METTL16: variants seen among roughly 807,000 people sequenced by gnomAD.
METTL16 encodes the protein RNA N(6)-adenosine-methyltransferase METTL16.
In METTL16, 19 loss-of-function variants were observed where a neutral mutation model predicts 57.9. That is an observed-to-expected ratio of 0.33 (90% CI 0.23 to 0.48). METTL16 has a LOEUF of 0.48. Ranked by LOEUF, METTL16 falls within the 20% of genes least tolerant of loss-of-function variation. The pLI, the probability that METTL16 is intolerant of heterozygous loss-of-function variation, is 0.99. For missense variants in METTL16, 434 were observed against 691.5 expected, an observed-to-expected ratio of 0.63 and a Z score of 4.18; for synonymous variants, 246 against 255.6, an observed-to-expected ratio of 0.96 and a Z score of 0.36.
rs755797781 is a variant in METTL16, at chr17:2,418,598, A to T, written c.*1372T>A. 6.6e-5 allele frequency: 10 copies of T among 152,394 alleles called. No homozygotes were observed. Among genetic ancestry groups the T allele is most frequent in the East Asian group, 5.8e-4 (3 of 5,188 alleles). The allele number at this position is 152,394 out of a possible 1,614,324, so 9.4% of individuals were successfully genotyped here. ...AGAGTAAAACTCCACCTCATAACAAACAATCAATCAAAAAGCCACTGGTCA... is the reference window on the plus strand; with the variant it reads ...AGAGTAAAACTCCACCTCATAACAATCAATCAATCAAAAAGCCACTGGTCA... On this transcript the variant is annotated 3_prime_UTR_variant, in exon 10 of 10. Coordinates refer to ENST00000263092, the MANE Select transcript of METTL16 (RefSeq NM_024086.4).
At chr17:2,484,696 G>A (rs1055366721) in intron 2 of METTL16, among the ~76,000 whole-genome samples, 1 of 152,128 alleles carries the variant, frequency 6.6e-6, no homozygotes, top group African/African-American at 2.4e-5. Context: ...GTTTCGCCAT[G>A]TTGGCCAGGC....
intron 8 of METTL16, among the ~76,000 whole-genome samples, chr17:2,422,683 C>G (rs1373862865): frequency 6.6e-6 from 1 of 151,176 alleles, no homozygotes; most frequent in Non-Finnish European, 1.5e-5. Flanking sequence ...GAATTTCTTT[C>G]TTTAAAGTAG....
chr17:2,428,197 C>T (rs995717551), intron 8 of METTL16, among the ~76,000 whole-genome samples: 1 of 151,906 alleles, frequency 6.6e-6, no homozygotes, highest in African/African-American at 2.4e-5. Context: ...CAGATGAATA[C>T]CTTTAAATAC....
intron 2 of METTL16, among the ~76,000 whole-genome samples, chr17:2,497,026 G>A (rs1404587395): frequency 6.6e-6 from 1 of 151,482 alleles, no homozygotes; most frequent in Non-Finnish European, 1.5e-5. Context: ...ATTTTCTTGA[G>A]GCAGACTCTT....
At chr17:2,471,945 C>G (rs755931758) in intron 4 of METTL16, among the ~76,000 whole-genome samples, 1 of 151,890 alleles carries the variant, frequency 6.6e-6, no homozygotes, top group Non-Finnish European at 1.5e-5. Context: ...GAAACCCCAT[C>G]TCTACTAAAA....
At chr17:2,428,695 G>A (rs1597438509) in intron 8 of METTL16, among the ~76,000 whole-genome samples, 1 of 145,778 alleles carries the variant, frequency 6.9e-6, no homozygotes, top group African/African-American at 2.5e-5. Flanking sequence ...CCAGGAGTTC[G>A]AGACCAGCAT....
intron 1 of METTL16, among the ~76,000 whole-genome samples, chr17:2,506,841 G>A (rs530768801): frequency 2.6e-5 from 4 of 151,278 alleles, no homozygotes; most frequent in African/African-American, 9.7e-5. Flanking sequence ...AGGAAGTGAG[G>A]AGCGTCTCTG....
chr17:2,440,994 A>AAAAAAAAAG (rs1555616313), intron 7 of METTL16, among the ~76,000 whole-genome samples: 56 of 118,820 alleles, frequency 4.7e-4, no homozygotes, highest in African/African-American at 8.8e-4. Flanking sequence ...AAAAAAAAAA[A>AAAAAAAAAG]AAGAAGAAGA....
intron 6 of METTL16, among the ~76,000 whole-genome samples, chr17:2,452,776 T>C (rs550143781): frequency 3.5e-4 from 53 of 152,220 alleles, no homozygotes; most frequent in Non-Finnish European, 6.8e-4. Context: ...GAGAATCAGT[T>C]ACAGACATCA....
chr17:2,428,564 AATATATATATAT>A (rs71362532), intron 8 of METTL16, among the ~76,000 whole-genome samples: 62 of 31,344 alleles, frequency 2.0e-3, no homozygotes, highest in East Asian at 9.7e-3. Flanking sequence ...AAAAAAAAAA[AATATATATATAT>A]ATATATATAT....
chr17:2,497,602 C>T (rs1344460464), intron 2 of METTL16, among the ~76,000 whole-genome samples: 2 of 151,474 alleles, frequency 1.3e-5, no homozygotes, highest in African/African-American at 2.4e-5. Flanking sequence ...CCACTATGCC[C>T]GGCCTGGCAT....
At chr17:2,489,228 TA>T (rs1367883328) in intron 2 of METTL16, among the ~76,000 whole-genome samples, 1 of 152,068 alleles carries the variant, frequency 6.6e-6, no homozygotes, top group Non-Finnish European at 1.5e-5. Context: ...ATTACAAGCA[TA>T]AAGCAGCTTG....
intron 3 of METTL16, among the ~76,000 whole-genome samples, chr17:2,476,675 G>A (rs2067270481): frequency 6.6e-6 from 1 of 152,200 alleles, no homozygotes; most frequent in Admixed American, 6.5e-5. Flanking sequence ...AGAAATAGAG[G>A]CTGGGCATGG....
chr17:2,438,561 G>A (rs1283901038), intron 7 of METTL16, among the ~76,000 whole-genome samples: 2 of 152,142 alleles, frequency 1.3e-5, no homozygotes, highest in South Asian at 2.1e-4. Context: ...GGAGTGCAGT[G>A]TGCGGTCTTG....
chr17:2,494,422 T>C (rs1429114141), intron 2 of METTL16, among the ~76,000 whole-genome samples: 1 of 152,180 alleles, frequency 6.6e-6, no homozygotes, highest in Non-Finnish European at 1.5e-5. Context: ...TGTGGCAATC[T>C]TACATCTAGC....
At chr17:2,509,568 T>C (rs554550272) in intron 1 of METTL16, among the ~76,000 whole-genome samples, 60 of 152,098 alleles carry the variant, frequency 3.9e-4, no homozygotes, top group Middle Eastern at 3.4e-3. Flanking sequence ...ATACAAATAA[T>C]AGACTTTATT....
chr17:2,442,802 T>C (rs1455832841), intron 6 of METTL16, among the ~76,000 whole-genome samples: 1 of 152,066 alleles, frequency 6.6e-6, no homozygotes, highest in African/African-American at 2.4e-5. Flanking sequence ...CTACCCAAGA[T>C]TACTCAGGAA....
chr17:2,430,214 G>A (rs2066862339), intron 8 of METTL16, among the ~76,000 whole-genome samples: 1 of 151,726 alleles, frequency 6.6e-6, no homozygotes, highest in Non-Finnish European at 1.5e-5. Context: ...CTGGGGTCAA[G>A]CGATCTTCTC....
chr17:2,507,259 C>T (rs2067549157), intron 1 of METTL16, among the ~76,000 whole-genome samples: 1 of 148,120 alleles, frequency 6.8e-6, no homozygotes, highest in Non-Finnish European at 1.5e-5. Flanking sequence ...GGCGCCTCTG[C>T]CCGGCCGCCT....
Sources: gnomAD v4.1 joint callset for allele counts (sites outside exome capture counted in the v4.1 genomes callset) on GRCh38, gnomAD v4.1.1 for gene constraint, MANE v1.5 for transcripts, NCBI Gene and HGNC (gene_info 2026-07-23, HGNC 2026-07-21) for gene names.